RORB: variants seen among roughly 807,000 people sequenced by gnomAD.
RORB encodes the protein nuclear receptor ROR-beta.
Under a neutral mutation model 59.1 loss-of-function variants are expected in RORB, and 6 were observed. The ratio of observed to expected loss-of-function variants is 0.10; its 90% confidence interval spans 0.06 to 0.20. The LOEUF (loss-of-function observed/expected upper bound fraction) is 0.20, where lower values mean the gene tolerates loss of function less well. Ranked by LOEUF, RORB falls within the 10% of genes least tolerant of loss-of-function variation. RORB has a pLI of 1.00. For synonymous variants in RORB, 215 were observed against 204.5 expected, an observed-to-expected ratio of 1.05 and a Z score of -0.44; for missense variants, 320 against 560.5, an observed-to-expected ratio of 0.57 and a Z score of 4.33.
chr9:74,655,654 T>C (rs1421521073), intron 4 of RORB, among the ~76,000 whole-genome samples: 1 of 152,242 alleles, frequency 6.6e-6, no homozygotes, highest in Admixed American at 6.5e-5. Context: ...ACAGAAACTT[T>C]GCATACTGTA....
chr9:74,598,879 G>A (rs1434601612), intron 1 of RORB, among the ~76,000 whole-genome samples: 1 of 152,166 alleles, frequency 6.6e-6, no homozygotes, highest in African/African-American at 2.4e-5. Flanking sequence ...TATCATAACA[G>A]CAGAGAAGGT....
At chr9:74,517,179 G>A (rs190711603) in intron 1 of RORB, among the ~76,000 whole-genome samples, 10 of 151,944 alleles carry the variant, frequency 6.6e-5, no homozygotes, top group South Asian at 2.1e-4. Flanking sequence ...CCTGCAAAAT[G>A]CATGTGTCAT....
At chr9:74,669,855 A>G (rs1824321560) in intron 8 of RORB, among the ~76,000 whole-genome samples, 1 of 152,242 alleles carries the variant, frequency 6.6e-6, no homozygotes, top group Non-Finnish European at 1.5e-5. Context: ...GCATGTCATC[A>G]TAACTGTATT....
chr9:74,609,535 A>T (rs1185276560), intron 1 of RORB, among the ~76,000 whole-genome samples: 1 of 152,232 alleles, frequency 6.6e-6, no homozygotes, highest in Non-Finnish European at 1.5e-5. Flanking sequence ...AGTGATTTGG[A>T]ATCAAAATAA....
At chr9:74,594,541 A>G (rs1490091931) in intron 1 of RORB, among the ~76,000 whole-genome samples, 3 of 152,222 alleles carry the variant, frequency 2.0e-5, no homozygotes, top group Non-Finnish European at 4.4e-5. Context: ...CAATTTTTAT[A>G]TCATCACATT....
At chr9:74,505,752 G>A (rs1825862215) in intron 1 of RORB, among the ~76,000 whole-genome samples, 1 of 151,994 alleles carries the variant, frequency 6.6e-6, no homozygotes, top group African/African-American at 2.4e-5. Context: ...GCCTTATATA[G>A]TTGGTGTTAT....
At chr9:74,541,188 G>A (rs973829811) in intron 1 of RORB, among the ~76,000 whole-genome samples, 10 of 140,634 alleles carry the variant, frequency 7.1e-5, no homozygotes, top group African/African-American at 2.7e-4. Context: ...GCTGAGGCAC[G>A]AAAATCACTT....
intron 1 of RORB, among the ~76,000 whole-genome samples, chr9:74,529,517 G>A (rs1486704557): frequency 6.6e-6 from 1 of 151,504 alleles, no homozygotes; most frequent in Non-Finnish European, 1.5e-5. Flanking sequence ...TCTTTAAAAT[G>A]GGCATAATAA....
At chr9:74,619,491 G>A (rs150868923) in intron 1 of RORB, among the ~76,000 whole-genome samples, 92 of 152,184 alleles carry the variant, frequency 6.0e-4, no homozygotes, top group Non-Finnish European at 1.2e-3. Context: ...TTACTCTGTC[G>A]CCCAGGCTGG....
chr9:74,546,517 A>G (rs895800509), intron 1 of RORB, among the ~76,000 whole-genome samples: 3 of 152,218 alleles, frequency 2.0e-5, no homozygotes, highest in Non-Finnish European at 2.9e-5. Flanking sequence ...AATCAATGGC[A>G]TCATAAACTG....
chr9:74,630,484 G>T, intron 2 of RORB, 117 bp downstream of exon 2: 30 of 488,922 alleles, frequency 6.1e-5, no homozygotes, highest in East Asian at 8.5e-5. Context: ...GCCTGCTGCT[G>T]ACATTCAGGA....
intron 1 of RORB, among the ~76,000 whole-genome samples, chr9:74,534,226 AAGTTTCTCTCAGAT>A (rs1826288963): frequency 6.6e-6 from 1 of 152,044 alleles, no homozygotes; most frequent in Non-Finnish European, 1.5e-5. Context: ...TCTGAGAAAG[AAGTTTCTCTCAGAT>A]ACGGAATGGT....
At chr9:74,580,029 A>T (rs1054487590) in intron 1 of RORB, among the ~76,000 whole-genome samples, 1 of 152,136 alleles carries the variant, frequency 6.6e-6, no homozygotes, top group African/African-American at 2.4e-5. Context: ...ATTGTTGTTT[A>T]TTATTATTGT....
At chr9:74,628,087 G>T (rs1272674869) in intron 1 of RORB, among the ~76,000 whole-genome samples, 1 of 152,158 alleles carries the variant, frequency 6.6e-6, no homozygotes, top group Non-Finnish European at 1.5e-5. Flanking sequence ...CATAAGATCA[G>T]ATATTTTATC....
intron 7 of RORB, 75 bp downstream of exon 7, chr9:74,665,670 T>C: frequency 1.1e-6 from 1 of 899,028 alleles, no homozygotes; most frequent in Non-Finnish European, 1.8e-6. Flanking sequence ...AATTGGTAAA[T>C]GAAATGCCTT....
At chr9:74,601,813 G>T (rs1222788135) in intron 1 of RORB, among the ~76,000 whole-genome samples, 1 of 152,162 alleles carries the variant, frequency 6.6e-6, no homozygotes, top group Non-Finnish European at 1.5e-5. Flanking sequence ...ATTTTAGGGG[G>T]TGAATGGAAG....
At chr9:74,626,940 G>A (rs866311994) in intron 1 of RORB, among the ~76,000 whole-genome samples, 3 of 152,116 alleles carry the variant, frequency 2.0e-5, no homozygotes, top group South Asian at 4.1e-4. Context: ...AAAGCAGGCT[G>A]ATCACAAAGT....
chr9:74,623,879 T>G (rs932538550), intron 1 of RORB, among the ~76,000 whole-genome samples: 1 of 152,234 alleles, frequency 6.6e-6, no homozygotes, highest in African/African-American at 2.4e-5. Flanking sequence ...TCCTAAAGTA[T>G]GAGTTCAAAG....
rs1191100995 is a variant in RORB, at chr9:74,687,392, T to C, written c.*1774T>C. On this transcript the variant is annotated 3_prime_UTR_variant, in exon 10 of 10. Transcript: ENST00000376896. The stretch of plus-strand genomic sequence containing the variant: ...GATTTCTTTTTTTAATCTCTTATGC[T>C]CTCCTGAAGTTCATGGTTGAGCACC... The C allele has an allele frequency of 1.3e-5, 2 of 151,906 alleles. No homozygotes were observed. The highest frequency in any genetic ancestry group is 2.9e-5 in the Non-Finnish European group (2 of 67,958). 9.4% of individuals were successfully genotyped at this position (151,906 alleles called of 1,614,324 possible).
Sources: allele counts gnomAD v4.1 joint callset (sites outside exome capture counted in the v4.1 genomes callset), GRCh38; gene constraint gnomAD v4.1.1; transcripts MANE v1.5; gene names NCBI Gene and HGNC (gene_info 2026-07-23, HGNC 2026-07-21).